LINC00305: variants seen among roughly 807,000 people sequenced by gnomAD.
LINC00305 encodes the protein long intergenic non-protein coding RNA 305.
chr18:64,115,091 G>C (rs2051331975), intron 1 of LINC00305, among the ~76,000 whole-genome samples: 3 of 152,178 alleles, frequency 2.0e-5, no homozygotes, highest in African/African-American at 7.2e-5. Context: ...CAGGGAAAGG[G>C]AAAGCCGTGT....
chr18:64,112,698 A>G (rs539968142), intron 1 of LINC00305, among the ~76,000 whole-genome samples: 7 of 152,250 alleles, frequency 4.6e-5, no homozygotes, highest in East Asian at 1.9e-4. Context: ...AATCTTGCCT[A>G]TCTTCAACCT....
chr18:64,088,714 A>G (rs939795221), intron 3 of LINC00305, among the ~76,000 whole-genome samples: 1 of 152,192 alleles, frequency 6.6e-6, no homozygotes, highest in Admixed American at 6.5e-5. Flanking sequence ...ATGCCCTCCT[A>G]AGATACTCAG....
At chr18:64,085,648 A>T (rs956372738) in intron 3 of LINC00305, among the ~76,000 whole-genome samples, 2 of 152,000 alleles carry the variant, frequency 1.3e-5, no homozygotes, top group Non-Finnish European at 2.9e-5. Flanking sequence ...TTTAGTAGAG[A>T]TGGGGTTTCG....
At chr18:64,096,370 C>G (rs1056586630) in intron 3 of LINC00305, among the ~76,000 whole-genome samples, 3 of 151,730 alleles carry the variant, frequency 2.0e-5, no homozygotes, top group Non-Finnish European at 4.4e-5. Context: ...ATGTCCGAAA[C>G]AGCAAAAATA....
chr18:64,108,858 G>C (rs1477659840), intron 1 of LINC00305, among the ~76,000 whole-genome samples: 6 of 152,204 alleles, frequency 3.9e-5, no homozygotes, highest in Admixed American at 3.9e-4. Flanking sequence ...AGACTGCGAA[G>C]TATTTATACA....
intron 1 of LINC00305, among the ~76,000 whole-genome samples, chr18:64,122,494 TA>T (rs566699214): frequency 5.9e-5 from 9 of 152,240 alleles, no homozygotes; most frequent in African/African-American, 2.2e-4. Context: ...CAGTTGGCTA[TA>T]AAAATGTGGC....
exon 4 of LINC00305, chr18:64,080,148 C>T (rs891849018): frequency 1.1e-5 from 2 of 189,518 alleles, no homozygotes; most frequent in African/African-American, 2.4e-5. Flanking sequence ...TTGCCACTTC[C>T]CTGCATGAGA....
At chr18:64,114,791 C>A (rs1483479126) in intron 1 of LINC00305, among the ~76,000 whole-genome samples, 1 of 152,250 alleles carries the variant, frequency 6.6e-6, no homozygotes, top group African/African-American at 2.4e-5. Context: ...TCAGATGATC[C>A]ACCTGCCTCG....
chr18:64,083,428 G>A lies in LINC00305; in HGVS notation n.541-3026C>T, dbSNP rs75099900. Among the ~76,000 whole-genome samples the A allele has an allele frequency of 5.1e-3, 784 of 152,236 alleles. 8 individuals carry two copies. Among genetic ancestry groups the A allele is most frequent in the African/African-American group, 0.017 (723 of 41,542 alleles). On this transcript the variant is annotated intron_variant and non_coding_transcript_variant, in intron 3 of 3. Transcript: ENST00000666468. ...GTGTTTCTTCCTAAGTTCTCATACC[G>A]TGTGGTCTTTACCTAGGCAATACGC... is the stretch of plus-strand genomic sequence containing the variant.
chr18:64,144,292 C>G (rs2051486140), intron 1 of LINC00305, among the ~76,000 whole-genome samples: 2 of 152,106 alleles, frequency 1.3e-5, no homozygotes, highest in Admixed American at 6.5e-5. Flanking sequence ...AATAATGGCC[C>G]TTAAAGATGT....
At chr18:64,143,759 A>ACACATATTATGCGTACATGTATGTC (rs1568120328) in intron 1 of LINC00305, among the ~76,000 whole-genome samples, 10 of 52,664 alleles carry the variant, frequency 1.9e-4, no homozygotes, top group Non-Finnish European at 2.2e-4. Flanking sequence ...ACATGTATGT[A>ACACATATTATGCGTACATGTATGTC]CACATATTAT....
chr18:64,120,263 C>A (rs1218751956), intron 1 of LINC00305, among the ~76,000 whole-genome samples: 2 of 152,072 alleles, frequency 1.3e-5, no homozygotes, highest in Non-Finnish European at 2.9e-5. Flanking sequence ...TCCATCCTCT[C>A]TCTAAGATGG....
At chr18:64,093,745 A>G (rs982742528) in intron 3 of LINC00305, among the ~76,000 whole-genome samples, 1 of 152,196 alleles carries the variant, frequency 6.6e-6, no homozygotes, top group Non-Finnish European at 1.5e-5. Flanking sequence ...AGAGTTTTAA[A>G]TGATGAGAGC....
intron 3 of LINC00305, among the ~76,000 whole-genome samples, chr18:64,087,018 A>G (rs1233382089): frequency 6.6e-6 from 1 of 152,192 alleles, no homozygotes; most frequent in Non-Finnish European, 1.5e-5. Flanking sequence ...GGCAATTATG[A>G]TATTACTCAA....
intron 3 of LINC00305, among the ~76,000 whole-genome samples, chr18:64,085,209 A>C (rs1427998549): frequency 6.6e-6 from 1 of 152,172 alleles, no homozygotes; most frequent in East Asian, 1.9e-4. Context: ...TTGCTTATTC[A>C]TTAAGCCAAA....
chr18:64,116,049 C>G lies in LINC00305; in HGVS notation n.315-17409G>C, dbSNP rs144694237. On this transcript the variant is annotated intron_variant and non_coding_transcript_variant, in intron 1 of 3. Transcript: ENST00000666468. The stretch of plus-strand genomic sequence containing the variant: ...CCCTCCTCCATCCCTAGTCTTAGCT[C>G]TTAAAAGCTCTCCAGCCATTTTTTA... 8.5e-5 allele frequency among the ~76,000 whole-genome samples: 13 copies of G among 152,282 alleles called. No homozygotes were observed. In the East Asian group the frequency reaches 2.5e-3, roughly 29 times the overall value.
intron 1 of LINC00305, among the ~76,000 whole-genome samples, chr18:64,130,706 A>G (rs1390961717): frequency 6.6e-6 from 1 of 152,140 alleles, no homozygotes; most frequent in Admixed American, 6.6e-5. Context: ...AAGGGTTGAT[A>G]TTTGTGCTGT....
chr18:64,110,157 A>C (rs1231821621), intron 1 of LINC00305, among the ~76,000 whole-genome samples: 1 of 152,198 alleles, frequency 6.6e-6, no homozygotes, highest in Non-Finnish European at 1.5e-5. Context: ...ATTATTCGGT[A>C]GCTTGGATCC....
At chr18:64,091,192 G>A (rs957982676) in intron 3 of LINC00305, among the ~76,000 whole-genome samples, 3 of 152,202 alleles carry the variant, frequency 2.0e-5, no homozygotes, top group Admixed American at 6.5e-5. Context: ...GCAAGTTCTG[G>A]TTCAAATAGA....
Sources: allele counts gnomAD v4.1 joint callset (sites outside exome capture counted in the v4.1 genomes callset), GRCh38; gene constraint gnomAD v4.1.1; transcripts MANE v1.5; gene names NCBI Gene and HGNC (gene_info 2026-07-23, HGNC 2026-07-21).